RBFOX1: variants seen among roughly 807,000 people sequenced by gnomAD.
RBFOX1 encodes the protein RNA binding fox-1 homolog 1, also known as RNA binding protein fox-1 homolog 1.
Under a neutral mutation model 57.7 loss-of-function variants are expected in RBFOX1, and 8 were observed. That is an observed-to-expected ratio of 0.14 (90% CI 0.08 to 0.25). The LOEUF is 0.25. Among genes scored for constraint, RBFOX1 ranks in the 10% least tolerant of loss-of-function variants. The pLI is 1.00. For synonymous variants in RBFOX1, 326 were observed against 222.4 expected, an observed-to-expected ratio of 1.47 and a Z score of -4.15; for missense variants, 611 against 548.5, an observed-to-expected ratio of 1.11 and a Z score of -1.14.
At chr16:6,907,373 G>A (rs910777133) in intron 3 of RBFOX1, among the ~76,000 whole-genome samples, 16 of 152,128 alleles carry the variant, frequency 1.1e-4, no homozygotes, top group African/African-American at 3.6e-4. Context: ...GAGAATGGCG[G>A]TATCCATGTA....
intron 3 of RBFOX1, among the ~76,000 whole-genome samples, chr16:6,945,288 G>A (rs1371165717): frequency 6.6e-6 from 1 of 152,128 alleles, no homozygotes. Context: ...TTATGATGGT[G>A]AGAATGTGTA....
intron 1 of RBFOX1, among the ~76,000 whole-genome samples, chr16:6,236,973 A>G (rs937594361): frequency 1.4e-4 from 21 of 152,298 alleles, no homozygotes; most frequent in African/African-American, 4.6e-4. Flanking sequence ...GTAGGTCACA[A>G]TATTCTATTT....
chr16:5,824,510 G>A (rs1251698683), intron 3 of RBFOX1, among the ~76,000 whole-genome samples: 2 of 152,218 alleles, frequency 1.3e-5, no homozygotes, highest in East Asian at 3.9e-4. Flanking sequence ...GGGGCTGCAG[G>A]GTGACTTTAG....
intron 2 of RBFOX1, among the ~76,000 whole-genome samples, chr16:5,560,396 G>T (rs1272983498): frequency 6.6e-6 from 1 of 152,048 alleles, no homozygotes; most frequent in East Asian, 1.9e-4. Flanking sequence ...CTGCAGGAAG[G>T]ATAACCTGAC....
At chr16:5,879,191 T>C (rs959426197) in intron 4 of RBFOX1, among the ~76,000 whole-genome samples, 10 of 152,200 alleles carry the variant, frequency 6.6e-5, no homozygotes, top group African/African-American at 2.4e-4. Flanking sequence ...TTTTAGCTAA[T>C]GGGGACTGAC....
intron 3 of RBFOX1, among the ~76,000 whole-genome samples, chr16:7,045,560 G>A (rs572529433): frequency 1.4e-3 from 206 of 152,226 alleles, no homozygotes; most frequent in African/African-American, 4.8e-3. Context: ...AGGCCCCCTG[G>A]TTCCTTCAGT....
chr16:7,309,213 G>T (rs548685640), intron 4 of RBFOX1, among the ~76,000 whole-genome samples: 1 of 152,120 alleles, frequency 6.6e-6, no homozygotes, highest in South Asian at 2.1e-4. Flanking sequence ...GATCTTTTCC[G>T]ATTAAGAGAA....
At chr16:7,065,947 C>G (rs2055902698) in intron 4 of RBFOX1, among the ~76,000 whole-genome samples, 2 of 152,124 alleles carry the variant, frequency 1.3e-5, no homozygotes, top group African/African-American at 4.8e-5. Context: ...TTTTCCCCCA[C>G]AGTAACTTGT....
At chr16:6,667,746 A>G (rs2098741702) in intron 3 of RBFOX1, among the ~76,000 whole-genome samples, 1 of 152,080 alleles carries the variant, frequency 6.6e-6, no homozygotes, top group Non-Finnish European at 1.5e-5. Flanking sequence ...CCACATAGTT[A>G]GGCATGATGG....
intron 3 of RBFOX1, among the ~76,000 whole-genome samples, chr16:6,752,527 T>C (rs987103070): frequency 5.3e-5 from 8 of 152,208 alleles, no homozygotes; most frequent in Admixed American, 2.0e-4. Context: ...TGTTTGTTCA[T>C]CTTTGAAAGC....
intron 2 of RBFOX1, chr16:6,483,147 T>G (rs2095400697): frequency 9.4e-7 from 1 of 1,068,194 alleles, no homozygotes; most frequent in Non-Finnish European, 1.1e-6. Context: ...TGCAAGAGTT[T>G]GCAAAAACAT....
intron 3 of RBFOX1, among the ~76,000 whole-genome samples, chr16:6,696,752 A>G (rs187430581): frequency 6.6e-6 from 1 of 152,100 alleles, no homozygotes; most frequent in African/African-American, 2.4e-5. Flanking sequence ...TTCGAAATGC[A>G]GTTTGCTGTG....
intron 3 of RBFOX1, among the ~76,000 whole-genome samples, chr16:6,938,818 G>C (rs1390524201): frequency 6.6e-6 from 1 of 152,160 alleles, no homozygotes; most frequent in Non-Finnish European, 1.5e-5. Flanking sequence ...TGTAATCCCA[G>C]CTACTCGGTA....
In RBFOX1 at chr16:5,777,575, A is replaced by G. The variant is rs184196826; in HGVS notation, c.319-89728A>G. 2.0e-4 allele frequency among the ~76,000 whole-genome samples: 31 copies of G among 152,332 alleles called. No homozygotes were observed. The East Asian group carries it at 4.4e-3, about 22-fold the overall frequency. On this transcript the variant is annotated intron_variant, in intron 3 of 19. Coordinates refer to the RBFOX1 transcript ENST00000641259. ...CTCAGCATTGTCACTTACTCCTTGT[A>G]TAAATGGTCTTCGAGCAGGTCACTC...
chr16:6,713,655 G>T (rs564692015), intron 3 of RBFOX1, among the ~76,000 whole-genome samples: 2 of 152,284 alleles, frequency 1.3e-5, no homozygotes, highest in South Asian at 4.1e-4. Context: ...CAAAATTGAA[G>T]TTACAGTTGC....
chr16:6,517,631 C>T (rs1174296670), intron 2 of RBFOX1, among the ~76,000 whole-genome samples: 1 of 152,270 alleles, frequency 6.6e-6, no homozygotes, highest in Non-Finnish European at 1.5e-5. Flanking sequence ...CCGTGACCAT[C>T]AAACCCCTCG....
At chr16:5,459,951 C>G (rs879756967) in intron 1 of RBFOX1, among the ~76,000 whole-genome samples, 2 of 152,166 alleles carry the variant, frequency 1.3e-5, no homozygotes, top group African/African-American at 4.8e-5. Flanking sequence ...TATGACAAAG[C>G]TTGATTTATT....
intron 2 of RBFOX1, among the ~76,000 whole-genome samples, chr16:5,576,666 C>A (rs989323002): frequency 1.3e-5 from 2 of 152,214 alleles, no homozygotes; most frequent in Non-Finnish European, 2.9e-5. Flanking sequence ...AATGCCATCT[C>A]ATTTGTCTCT....
At chr16:7,638,959 T>C in intron 11 of RBFOX1, among the ~76,000 whole-genome samples, 1 of 149,842 alleles carries the variant, frequency 6.7e-6, no homozygotes, top group Non-Finnish European at 1.5e-5. Context: ...TTTTGCATTT[T>C]GTACCATTTT....
Sources: gnomAD v4.1 joint callset for allele counts (sites outside exome capture counted in the v4.1 genomes callset) on GRCh38, gnomAD v4.1.1 for gene constraint, MANE v1.5 for transcripts, NCBI Gene and HGNC (gene_info 2026-07-23, HGNC 2026-07-21) for gene names.